KIRREL3: variants seen among roughly 807,000 people sequenced by gnomAD.
KIRREL3 encodes kirre like nephrin family adhesion molecule 3.
A neutral mutation model predicts 89.7 loss-of-function variants in KIRREL3; 36 were observed. The observed-to-expected ratio is 0.40, with a 90% confidence interval of 0.31 to 0.53. KIRREL3 has a LOEUF of 0.53. KIRREL3 is among the 20% of genes least tolerant of loss of function. The pLI is 0.49. For missense variants in KIRREL3, 864 were observed against 1,056.6 expected, an observed-to-expected ratio of 0.82 and a Z score of 2.53; for synonymous variants, 445 against 441.4, an observed-to-expected ratio of 1.01 and a Z score of -0.10.
chr11:126,735,297 C>T (rs531893076), intron 1 of KIRREL3, among the ~76,000 whole-genome samples: 3 of 152,166 alleles, frequency 2.0e-5, no homozygotes, highest in East Asian at 3.9e-4. Flanking sequence ...TTGACGAGTA[C>T]GGGAAGGAAT....
intron 2 of KIRREL3, among the ~76,000 whole-genome samples, chr11:126,536,358 C>T (rs1284032246): frequency 1.3e-5 from 2 of 152,168 alleles, no homozygotes; most frequent in African/African-American, 2.4e-5. Context: ...CCGTTGCTTA[C>T]TCCTCCCTGC....
Position 126,668,704 on chromosome 11 carries a change from T to A in KIRREL3, c.56-105792A>T, listed in dbSNP as rs1247290525. On this transcript the variant is annotated intron_variant, in intron 1 of 16. Transcript: ENST00000525144. The surrounding 1 kb of genome is among the most constrained non-coding windows in gnomAD (Gnocchi z 4.4). ...TGGGAAGTTTCTGTTTTTCTTTCTT[T>A]CTTTCTTTCTTTCTTTCTTTCTTTC... Among the ~76,000 whole-genome samples the A allele has an allele frequency of 1.3e-5, 1 of 74,138 alleles. No homozygotes were observed. The allele number at this position is 74,138 out of a possible 152,430, so 48.6% of individuals were successfully genotyped here.
At chr11:126,874,080 C>A (rs1421622516) in intron 1 of KIRREL3, among the ~76,000 whole-genome samples, 1 of 152,210 alleles carries the variant, frequency 6.6e-6, no homozygotes, top group Non-Finnish European at 1.5e-5. Flanking sequence ...AGGCACCTAT[C>A]CCCAACCGTT....
intron 1 of KIRREL3, among the ~76,000 whole-genome samples, chr11:126,592,421 A>G (rs947493659): frequency 6.6e-6 from 1 of 152,226 alleles, no homozygotes; most frequent in African/African-American, 2.4e-5. Flanking sequence ...AGGGAAGTCT[A>G]AAGTTACATA....
At chr11:126,693,054 C>A (rs1946941846) in intron 1 of KIRREL3, among the ~76,000 whole-genome samples, 2 of 152,196 alleles carry the variant, frequency 1.3e-5, no homozygotes, top group African/African-American at 4.8e-5. Context: ...ACATGTGAGG[C>A]CATCCTAGAC....
At chr11:126,910,954 C>T (rs1258864879) in intron 1 of KIRREL3, among the ~76,000 whole-genome samples, 2 of 152,186 alleles carry the variant, frequency 1.3e-5, no homozygotes, top group East Asian at 3.8e-4. Flanking sequence ...CAGATGTTCT[C>T]ATTGCCGGGG....
rs1945328002 is a variant in KIRREL3 at position 126,877,280 on chromosome 11, C to T, written c.55+123175G>A. Among the ~76,000 whole-genome samples the T allele has an allele frequency of 6.6e-6, 1 of 152,174 alleles. No individual in the cohort carries two copies. The highest frequency in any genetic ancestry group is 1.5e-5 in the Non-Finnish European group (1 of 68,044). On this transcript the variant is annotated intron_variant, in intron 1 of 16. Coordinates refer to ENST00000525144, the MANE Select transcript of KIRREL3 (RefSeq NM_032531.4). The surrounding 1 kb of genome is among the most constrained non-coding windows in gnomAD (Gnocchi z 4.9). Reference sequence around the variant, plus strand: ...GAGCTGCATTACATCTGGAACTGGGCTCAGATAGCAAAAGAGCGTTCTATA... The same window carrying T: ...GAGCTGCATTACATCTGGAACTGGGTTCAGATAGCAAAAGAGCGTTCTATA...
chr11:126,664,236 A>ATT lies in KIRREL3; in HGVS notation c.56-101326_56-101325dup, dbSNP rs71985337. ...TCAGGCTTTTGCTGGGGCCATTAGC[A>ATT]TTTTTTTTTTTTTTACCATCATTAT... is the stretch of plus-strand genomic sequence containing the variant. On this transcript the variant is annotated intron_variant, in intron 1 of 16. Coordinates refer to ENST00000525144, the MANE Select transcript of KIRREL3 (RefSeq NM_032531.4). The surrounding 1 kb of genome is among the most constrained non-coding windows in gnomAD (Gnocchi z 5.4). Among the ~76,000 whole-genome samples the ATT allele has an allele frequency of 2.7e-3, 395 of 147,536 alleles. 5 individuals carry two copies. Among genetic ancestry groups the ATT allele is most frequent in the African/African-American group, 9.2e-3 (372 of 40,226 alleles).
rs1947433096 is a variant in KIRREL3 at position 126,704,402 on chromosome 11, A to G, written c.56-141490T>C. Among the ~76,000 whole-genome samples, 1 of 152,174 alleles carries G rather than the reference A, an allele frequency of 6.6e-6. No individual in the cohort carries two copies. The highest frequency in any genetic ancestry group is 6.5e-5 in the Admixed American group (1 of 15,278). On this transcript the variant is annotated intron_variant, in intron 1 of 16. Coordinates refer to ENST00000525144, the MANE Select transcript of KIRREL3 (RefSeq NM_032531.4). The surrounding 1 kb of genome is among the most constrained non-coding windows in gnomAD (Gnocchi z 4.2). ...CCGGGAAGAAGTGAGTACTAGCAGA[A>G]CAGAGGCTTGCAAAAGACTGCAGCA...
chr11:126,916,336 C>G (rs1050162909), intron 1 of KIRREL3, among the ~76,000 whole-genome samples: 1 of 152,118 alleles, frequency 6.6e-6, no homozygotes, highest in African/African-American at 2.4e-5. Flanking sequence ...TTTATTAAAA[C>G]ACAAATTGCT....
intron 1 of KIRREL3, among the ~76,000 whole-genome samples, chr11:126,855,222 G>A (rs772653126): frequency 5.3e-5 from 8 of 152,228 alleles, no homozygotes; most frequent in Non-Finnish European, 1.0e-4. Flanking sequence ...GTTGAAGGAG[G>A]GCCCTAGTGG....
chr11:126,832,295 G>T (rs1357439489), intron 1 of KIRREL3, among the ~76,000 whole-genome samples: 1 of 152,076 alleles, frequency 6.6e-6, no homozygotes, highest in Non-Finnish European at 1.5e-5. Context: ...AAGGCCAAGG[G>T]GTCAATGCAT....
intron 2 of KIRREL3, among the ~76,000 whole-genome samples, chr11:126,547,950 G>C (rs1275563789): frequency 6.6e-6 from 1 of 152,182 alleles, no homozygotes; most frequent in Non-Finnish European, 1.5e-5. Flanking sequence ...TAATCTGTCT[G>C]AGCCTCTGTT....
rs777603842 is a variant in KIRREL3 at position 126,747,814 on chromosome 11, G to A, written c.56-184902C>T. Reference sequence around the variant, plus strand: ...AACCCCTGTTCCCCTCCCTCTGCTTGGCAGAGCTGTCCTTTGTAGAAGTGA... The same window carrying A: ...AACCCCTGTTCCCCTCCCTCTGCTTAGCAGAGCTGTCCTTTGTAGAAGTGA... On this transcript the variant is annotated intron_variant, in intron 1 of 16. Transcript: ENST00000525144. This position sits in a 1 kb window ranked among gnomAD's most constrained non-coding sequence, Gnocchi z 4.7. Among the ~76,000 whole-genome samples, 1 of 152,070 alleles carries A rather than the reference G, an allele frequency of 6.6e-6. No individual in the cohort carries two copies. The highest frequency in any genetic ancestry group is 1.5e-5 in the Non-Finnish European group (1 of 68,006).
chr11:126,797,251 T>C lies in KIRREL3; in HGVS notation c.55+203204A>G, dbSNP rs1176014874. On this transcript the variant is annotated intron_variant, in intron 1 of 16. Coordinates refer to ENST00000525144, the MANE Select transcript of KIRREL3 (RefSeq NM_032531.4). This position sits in a 1 kb window ranked among gnomAD's most constrained non-coding sequence, Gnocchi z 4.9. ...TTTAGATCCCACCTCTGCCACTTATTGACCTCTCTGAGACTCAATTTCTCA... is the reference window on the plus strand; with the variant it reads ...TTTAGATCCCACCTCTGCCACTTATCGACCTCTCTGAGACTCAATTTCTCA... Among the ~76,000 whole-genome samples, 1 of 152,208 alleles carries C rather than the reference T, an allele frequency of 6.6e-6. No homozygotes were observed. Among genetic ancestry groups the C allele is most frequent in the Non-Finnish European group, 1.5e-5 (1 of 68,032 alleles).
Position 126,429,320 on chromosome 11 carries a change from G to C in KIRREL3, c.1697-32C>G, listed in dbSNP as rs1955046904. 2 of 1,483,340 alleles carry C rather than the reference G, an allele frequency of 1.3e-6. No individual in the cohort carries two copies. Among genetic ancestry groups the C allele is most frequent in the East Asian group, 2.3e-5 (1 of 44,224 alleles). The allele number at this position is 1,483,340 out of a possible 1,614,324, so 91.9% of individuals were successfully genotyped here. On this transcript the variant is annotated intron_variant, in intron 14 of 16. Transcript: ENST00000525144. The surrounding 1 kb of genome is among the most constrained non-coding windows in gnomAD (Gnocchi z 5.2). The stretch of plus-strand genomic sequence containing the variant: ...ATAAAATAGTAAAGTGTAGATGATA[G>C]ATTTAGTTCTTACCTTTGAGATGTC...
intron 1 of KIRREL3, among the ~76,000 whole-genome samples, chr11:126,887,299 C>T (rs1945737749): frequency 1.3e-5 from 2 of 152,158 alleles, no homozygotes; most frequent in Non-Finnish European, 2.9e-5. Context: ...ATGCATTCAT[C>T]ACTTTAAGAC....
intron 4 of KIRREL3, among the ~76,000 whole-genome samples, chr11:126,497,055 C>T (rs776457737): frequency 5.9e-5 from 9 of 152,076 alleles, no homozygotes; most frequent in African/African-American, 1.9e-4. Flanking sequence ...CAGGACCACA[C>T]GTGACACAGA....
intron 1 of KIRREL3, among the ~76,000 whole-genome samples, chr11:126,959,996 G>GT (rs966323200): frequency 1.3e-5 from 2 of 151,968 alleles, no homozygotes; most frequent in South Asian, 2.1e-4. Flanking sequence ...ACTGTTTATT[G>GT]TTTTTTTAAT....
Sources: allele counts gnomAD v4.1 joint callset (sites outside exome capture counted in the v4.1 genomes callset), GRCh38; gene constraint gnomAD v4.1.1; non-coding constraint Gnocchi (gnomAD v3.1); transcripts MANE v1.5; gene names NCBI Gene and HGNC (gene_info 2026-07-23, HGNC 2026-07-21).